Variants in HACE1 observed in about 807,000 individuals in gnomAD.
The protein encoded by HACE1 is E3 ubiquitin-protein ligase HACE1.
HACE1 carries 73 observed loss-of-function variants against 118.4 expected under a neutral mutation model. The ratio of observed to expected loss-of-function variants is 0.62; its 90% CI spans 0.51 to 0.75. HACE1 has a LOEUF of 0.75. Ranked by LOEUF, HACE1 falls within the 30% of genes least tolerant of loss-of-function variation. The pLI is 0.00. For missense variants in HACE1, 749 were observed against 1,102.2 expected (o/e 0.68, Z 4.54); for synonymous variants, 368 against 374.8 (o/e 0.98, Z 0.21).
intron 15 of HACE1, 28 bp downstream of exon 15, chr6:104,777,178 C>T (rs1390249094): frequency 1.9e-6 from 3 of 1,550,226 alleles, no homozygotes. Flanking sequence ...GTGCTTCACA[C>T]ATATATCAGT....
chr6:104,805,819 C>T (rs562219732), intron 7 of HACE1, among the ~76,000 whole-genome samples: 1 of 151,750 alleles, frequency 6.6e-6, no homozygotes, highest in Non-Finnish European at 1.5e-5. Flanking sequence ...CAAACCCGCA[C>T]GTTGTGCACA....
rs553582733 is a variant in HACE1, at chr6:104,756,444, T to C, written c.2212-5972A>G. Among the ~76,000 whole-genome samples the C allele has an allele frequency of 2.9e-3, 417 of 146,174 alleles. 1 individual carries two copies. Among genetic ancestry groups the C allele is most frequent in the South Asian group, 9.4e-3 (43 of 4,596 alleles). On this transcript the variant is annotated intron_variant, in intron 19 of 23. Coordinates refer to ENST00000262903, the MANE Select transcript of HACE1 (RefSeq NM_020771.4). Reference sequence around the variant, plus strand: ...AAAAAAAAATATATATATATATATATATACACACACACACACACTTATTAT... The same window carrying C: ...AAAAAAAAATATATATATATATATACATACACACACACACACACTTATTAT...
In HACE1 at chr6:104,750,525, A is replaced by C; in HGVS notation, c.2212-53T>G. On this transcript the variant is annotated intron_variant, in intron 19 of 23. Coordinates refer to ENST00000262903, the MANE Select transcript of HACE1 (RefSeq NM_020771.4). ...CTTTTCAAAAACCTTTTACATACTT[A>C]ATGTTAATATAATTATTTCTTATTT... The C allele has an allele frequency of 2.7e-6, 4 of 1,477,390 alleles. No homozygotes were observed. The Admixed American group carries it at 6.8e-5, about 25-fold the overall frequency. 91.5% of individuals were successfully genotyped at this position (1,477,390 alleles called of 1,614,324 possible). A position where few individuals can be genotyped will look rare whatever the true frequency, so the allele number is the denominator to read the frequency against.
chr6:104,817,514 T>C (rs1489068747), intron 6 of HACE1, among the ~76,000 whole-genome samples: 1 of 152,316 alleles, frequency 6.6e-6, no homozygotes, highest in African/African-American at 2.4e-5. Flanking sequence ...CCTGCAGAAC[T>C]GTGAGTCAAT....
chr6:104,796,607 C>A (rs1405625633), intron 9 of HACE1, 48 bp downstream of exon 9: 2 of 927,352 alleles, frequency 2.2e-6, no homozygotes, highest in Non-Finnish European at 3.6e-6. Flanking sequence ...ATATGCTGAG[C>A]AGGAATAAAG....
intron 22 of HACE1, among the ~76,000 whole-genome samples, chr6:104,740,526 A>C (rs1322548541): frequency 6.6e-6 from 1 of 152,204 alleles, no homozygotes; most frequent in Admixed American, 6.5e-5. Context: ...AGAATACTAC[A>C]AACACCTCTA....
intron 3 of HACE1, 146 bp downstream of exon 3, chr6:104,850,761 T>C (rs952152932): frequency 2.7e-6 from 2 of 749,310 alleles, no homozygotes; most frequent in African/African-American, 1.7e-5. Flanking sequence ...ACAGAACGGA[T>C]AGCACACCAC....
At chr6:104,760,540 C>T (rs1779230100) in intron 19 of HACE1, among the ~76,000 whole-genome samples, 2 of 152,070 alleles carry the variant, frequency 1.3e-5, no homozygotes, top group African/African-American at 2.4e-5. Flanking sequence ...TGATGGAATG[C>T]ATCTCAAAGT....
At chr6:104,841,207 C>T (rs1775091287) in intron 5 of HACE1, among the ~76,000 whole-genome samples, 1 of 151,652 alleles carries the variant, frequency 6.6e-6, no homozygotes, top group African/African-American at 2.4e-5. Context: ...CTGTTTTCTA[C>T]AAGCCAGGTA....
At chr6:104,801,681 C>G (rs1770372994) in intron 7 of HACE1, among the ~76,000 whole-genome samples, 1 of 152,128 alleles carries the variant, frequency 6.6e-6, no homozygotes, top group South Asian at 2.1e-4. Context: ...GATTTTGTCA[C>G]CACCAGGCCT....
intron 19 of HACE1, among the ~76,000 whole-genome samples, chr6:104,762,151 A>G (rs914977064): frequency 1.8e-4 from 27 of 152,308 alleles, no homozygotes; most frequent in Middle Eastern, 3.4e-3. Context: ...CGATTCCTCA[A>G]GGATCTAGAA....
At chr6:104,826,809 G>T (rs1773385781) in intron 6 of HACE1, among the ~76,000 whole-genome samples, 1 of 151,992 alleles carries the variant, frequency 6.6e-6, no homozygotes, top group Admixed American at 6.6e-5. Context: ...AAAAAATTTA[G>T]AATTGCAAAT....
At chr6:104,756,428 T>A (rs200218780) in intron 19 of HACE1, among the ~76,000 whole-genome samples, 19,092 of 102,970 alleles carry the variant, frequency 0.19, 1,509 homozygotes, top group Non-Finnish European at 0.22. Context: ...AAAAAAAAAA[T>A]ATATATATAT....
chr6:104,741,928 A>C (rs1776768629), intron 22 of HACE1, among the ~76,000 whole-genome samples: 1 of 151,830 alleles, frequency 6.6e-6, no homozygotes, highest in Non-Finnish European at 1.5e-5. Context: ...AGGCTACAGT[A>C]ACCAAAACAG....
chr6:104,734,938 T>G (rs1325194856), intron 22 of HACE1, among the ~76,000 whole-genome samples: 1 of 152,138 alleles, frequency 6.6e-6, no homozygotes, highest in Non-Finnish European at 1.5e-5. Context: ...ATAAACCATT[T>G]AGAAAAATAT....
rs757467953 is a variant in HACE1 at position 104,730,341 on chromosome 6, C to A, written c.2589G>T (p.Val863=). The change falls in exon 23 of 24, where the codon GTG becomes GTT. Residue 863 remains valine, a synonymous_variant. Transcript: ENST00000262903. ...SGLQNFTIAA[V]PYTPNLLPTS... is the part of the protein sequence containing the mutation. ...TTGGTAAAAGATTTGGAGTATATGGCACAGCAGCGATTGTAAAGTTTTGCA... is the reference window on the plus strand; with the variant it reads ...TTGGTAAAAGATTTGGAGTATATGGAACAGCAGCGATTGTAAAGTTTTGCA... The A allele has an allele frequency of 1.2e-5, 19 of 1,592,996 alleles. No homozygotes were observed. Among genetic ancestry groups the A allele is most frequent in the Admixed American group, 1.7e-5 (1 of 59,958 alleles).
At chr6:104,773,771 T>A (rs7761286) in intron 17 of HACE1, among the ~76,000 whole-genome samples, 54,972 of 147,450 alleles carry the variant, frequency 0.37, 10,295 homozygotes, top group African/African-American at 0.46. Context: ...GAGACTTTTT[T>A]AAAAAAAAAA....
chr6:104,743,001 T>G (rs1562270898), intron 22 of HACE1, among the ~76,000 whole-genome samples: 1 of 152,164 alleles, frequency 6.6e-6, no homozygotes, highest in African/African-American at 2.4e-5. Context: ...GATGAGTTCA[T>G]GTTCTTCGTA....
intron 11 of HACE1, among the ~76,000 whole-genome samples, chr6:104,788,545 A>C (rs1782677141): frequency 6.6e-6 from 1 of 152,178 alleles, no homozygotes; most frequent in South Asian, 2.1e-4. Context: ...GACTATTCTT[A>C]ACCTAATGTC....
Sources: gnomAD v4.1 joint callset for allele counts (sites outside exome capture counted in the v4.1 genomes callset) on GRCh38, gnomAD v4.1.1 for gene constraint, MANE v1.5 for transcripts, NCBI Gene and HGNC (gene_info 2026-07-23, HGNC 2026-07-21) for gene names.